Variants in DLGAP1 observed in about 807,000 individuals in gnomAD.
DLGAP1 encodes DLG associated protein 1, also known as disks large-associated protein 1.
Under a neutral mutation model 90.8 loss-of-function variants are expected in DLGAP1, and 11 were observed. That is an observed-to-expected ratio of 0.12 (90% CI 0.08 to 0.20). The LOEUF (loss-of-function observed/expected upper bound fraction) is 0.20. DLGAP1 is among the 10% of genes least tolerant of loss of function. The pLI is 1.00. For synonymous variants in DLGAP1, 558 were observed against 540.7 expected, an observed-to-expected ratio of 1.03 and a Z score of -0.44; for missense variants, 1,050 against 1,333.8, an observed-to-expected ratio of 0.79 and a Z score of 3.31.
chr18:3,569,168 A>C (rs764152557), intron 8 of DLGAP1, among the ~76,000 whole-genome samples: 8 of 147,650 alleles, frequency 5.4e-5, no homozygotes, highest in Non-Finnish European at 1.2e-4. Context: ...TGCCCAGCTA[A>C]TTTTTGTATT....
At chr18:3,518,159 C>T (rs1185987819) in intron 10 of DLGAP1, among the ~76,000 whole-genome samples, 1 of 152,084 alleles carries the variant, frequency 6.6e-6, no homozygotes. Flanking sequence ...ACATAGAGGC[C>T]ATTATTGGGT....
chr18:3,737,981 C>T (rs1420326909), intron 6 of DLGAP1, among the ~76,000 whole-genome samples: 5 of 150,510 alleles, frequency 3.3e-5, no homozygotes, highest in African/African-American at 1.2e-4. Flanking sequence ...ACACCAACAA[C>T]AGACAAACAG....
At position 4,208,509 on chromosome 18, in the gene DLGAP1, C is replaced by T. The variant is rs1423064228; in HGVS notation, c.-266-57222G>A. The stretch of plus-strand genomic sequence containing the variant: ...GGTGGAGTTGGGAACTCATTTTGAT[C>T]TATTTCCATTATGCCAGTAACATAT... On this transcript the variant is annotated intron_variant, in intron 1 of 12. Coordinates refer to ENST00000315677, the MANE Select transcript of DLGAP1 (RefSeq NM_004746.4). Among the ~76,000 whole-genome samples, 4 of 152,270 alleles carry T rather than the reference C, an allele frequency of 2.6e-5. No homozygotes were observed. In the East Asian group the frequency reaches 7.7e-4, roughly 29 times the overall value.
At chr18:3,521,516 G>C (rs1415426036) in intron 10 of DLGAP1, among the ~76,000 whole-genome samples, 1 of 152,096 alleles carries the variant, frequency 6.6e-6, no homozygotes, top group African/African-American at 2.4e-5. Flanking sequence ...ACTAAGCTGA[G>C]ACTGTCTCTT....
intron 7 of DLGAP1, among the ~76,000 whole-genome samples, chr18:3,699,320 G>A (rs1567980262): frequency 1.3e-5 from 2 of 152,138 alleles, no homozygotes. Flanking sequence ...ACTTTCAGAT[G>A]GGGTTTTTGT....
At chr18:4,422,909 C>A (rs2083072222) in intron 1 of DLGAP1, among the ~76,000 whole-genome samples, 1 of 152,070 alleles carries the variant, frequency 6.6e-6, no homozygotes, top group Non-Finnish European at 1.5e-5. Flanking sequence ...ATAACATCCA[C>A]AAACGTAAAT....
chr18:3,818,895 G>A, intron 4 of DLGAP1, among the ~76,000 whole-genome samples: 1 of 151,564 alleles, frequency 6.6e-6, no homozygotes, highest in Non-Finnish European at 1.5e-5. Context: ...TGCCCAGCCA[G>A]GATGAGAATG....
chr18:3,796,165 G>A (rs1398646836), intron 5 of DLGAP1, among the ~76,000 whole-genome samples: 1 of 152,180 alleles, frequency 6.6e-6, no homozygotes, highest in Admixed American at 6.5e-5. Context: ...GACATAGAGA[G>A]AGAGAAATTA....
chr18:4,141,927 C>T lies in DLGAP1; in HGVS notation c.-159+9253G>A, dbSNP rs192384664. 5.7e-3 allele frequency among the ~76,000 whole-genome samples: 866 copies of T among 152,074 alleles called. 5 individuals are homozygous for T. Among genetic ancestry groups the T allele is most frequent in the Middle Eastern group, 0.027 (8 of 294 alleles). On this transcript the variant is annotated intron_variant, in intron 2 of 12. Coordinates refer to ENST00000315677, the MANE Select transcript of DLGAP1 (RefSeq NM_004746.4). The stretch of plus-strand genomic sequence containing the variant: ...CCTCAAAACAGCTATTTTGAATTCT[C>T]TGTTTGAAAGGTCACATATCTCTGT...
intron 2 of DLGAP1, among the ~76,000 whole-genome samples, chr18:4,066,519 G>T (rs1287367495): frequency 2.0e-5 from 3 of 152,066 alleles, no homozygotes; most frequent in Admixed American, 2.0e-4. Flanking sequence ...CAAAAGACAT[G>T]ATTAGACACT....
intron 7 of DLGAP1, among the ~76,000 whole-genome samples, chr18:3,716,382 T>G (rs11081068): frequency 6.6e-6 from 1 of 151,834 alleles, no homozygotes; most frequent in African/African-American, 2.4e-5. Context: ...AAAAAATTTT[T>G]AAAATTATCT....
At chr18:4,061,919 C>T (rs552906886) in intron 2 of DLGAP1, among the ~76,000 whole-genome samples, 7 of 152,196 alleles carry the variant, frequency 4.6e-5, no homozygotes, top group African/African-American at 1.7e-4. Flanking sequence ...AGGACTGTAA[C>T]AGGTGCTCTT....
intron 3 of DLGAP1, among the ~76,000 whole-genome samples, chr18:3,951,730 T>C (rs773807477): frequency 2.6e-4 from 39 of 152,158 alleles, no homozygotes; most frequent in Non-Finnish European, 4.3e-4. Context: ...TTCTCCATGA[T>C]AGTGAGCAAG....
At chr18:3,550,134 G>A (rs1305939682) in intron 9 of DLGAP1, among the ~76,000 whole-genome samples, 1 of 151,646 alleles carries the variant, frequency 6.6e-6, no homozygotes, top group African/African-American at 2.4e-5. Context: ...GGCTGGTCTC[G>A]AACTCCTGAC....
chr18:3,572,234 G>T (rs541422537), intron 8 of DLGAP1, among the ~76,000 whole-genome samples: 9 of 151,766 alleles, frequency 5.9e-5, no homozygotes, highest in Non-Finnish European at 1.2e-4. Context: ...AGGTGGACAT[G>T]TATATTATCT....
intron 4 of DLGAP1, among the ~76,000 whole-genome samples, chr18:3,873,686 T>C (rs2070890116): frequency 6.6e-6 from 1 of 152,156 alleles, no homozygotes; most frequent in Non-Finnish European, 1.5e-5. Context: ...TTACCTGTAT[T>C]TAAAAGATCC....
intron 7 of DLGAP1, among the ~76,000 whole-genome samples, chr18:3,715,810 A>G (rs1396565027): frequency 6.6e-6 from 1 of 152,142 alleles, no homozygotes; most frequent in African/African-American, 2.4e-5. Flanking sequence ...TAAAGACACC[A>G]TGAACTGGTT....
intron 7 of DLGAP1, among the ~76,000 whole-genome samples, chr18:3,718,459 A>AT (rs919191092): frequency 1.3e-5 from 2 of 151,890 alleles, no homozygotes; most frequent in Non-Finnish European, 2.9e-5. Flanking sequence ...TGGAAGAAAT[A>AT]TTTTTTGTAT....
chr18:4,098,318 T>A (rs1427253294), intron 2 of DLGAP1, among the ~76,000 whole-genome samples: 3 of 152,190 alleles, frequency 2.0e-5, no homozygotes, highest in Non-Finnish European at 2.9e-5. Context: ...TTACAAAATA[T>A]GGGGAAAAGG....
Sources: allele counts gnomAD v4.1 joint callset (sites outside exome capture counted in the v4.1 genomes callset), GRCh38; gene constraint gnomAD v4.1.1; transcripts MANE v1.5; gene names NCBI Gene and HGNC (gene_info 2026-07-23, HGNC 2026-07-21).